The following GALK2 variants were observed in gnomAD, a reference collection of about 807,000 sequenced individuals.
GALK2 encodes the protein N-acetylgalactosamine kinase.
In GALK2, 36 loss-of-function variants were observed where a neutral mutation model predicts 52.4. The ratio of observed to expected loss-of-function variants is 0.69; its 90% CI spans 0.53 to 0.91. GALK2 has a LOEUF of 0.91. Among genes scored for constraint, GALK2 ranks in the 40% least tolerant of loss-of-function variants. GALK2 has a pLI of 0.00. For synonymous variants in GALK2, 176 were observed against 199.1 expected, an observed-to-expected ratio of 0.88 and a Z score of 0.98; for missense variants, 579 against 559.1, an observed-to-expected ratio of 1.04 and a Z score of -0.36.
chr15:49,210,973 TCA>T (rs3075099), intron 2 of GALK2, among the ~76,000 whole-genome samples: 7,799 of 146,528 alleles, frequency 0.053, 266 homozygotes, highest in African/African-American at 0.1. Context: ...ACACACACAC[TCA>T]CACACACACA....
chr15:49,311,325 C>A (rs2035972542), intron 8 of GALK2, among the ~76,000 whole-genome samples: 1 of 152,186 alleles, frequency 6.6e-6, no homozygotes, highest in South Asian at 2.1e-4. Context: ...GGCCAAGAAC[C>A]ACTTATCTGC....
At chr15:49,164,675 G>T (rs1458698553) in intron 1 of GALK2, among the ~76,000 whole-genome samples, 1 of 150,770 alleles carries the variant, frequency 6.6e-6, no homozygotes, top group African/African-American at 2.4e-5. Flanking sequence ...CAGATGCTCC[G>T]GAGGCTGAGG....
chr15:49,301,298 A>G (rs2035090938), intron 8 of GALK2, among the ~76,000 whole-genome samples: 1 of 152,194 alleles, frequency 6.6e-6, no homozygotes, highest in Non-Finnish European at 1.5e-5. Flanking sequence ...TTAAACACAC[A>G]CAAAGCAAAA....
chr15:49,355,248 T>C (rs1248823351), intron 3 of GALK2, among the ~76,000 whole-genome samples: 2 of 152,140 alleles, frequency 1.3e-5, no homozygotes, highest in African/African-American at 2.4e-5. Flanking sequence ...GAGAATGACT[T>C]TGAAGAGCTC....
At chr15:49,310,955 G>GTT (rs1292260522) in intron 8 of GALK2, among the ~76,000 whole-genome samples, 1 of 152,090 alleles carries the variant, frequency 6.6e-6, no homozygotes, top group African/African-American at 2.4e-5. Flanking sequence ...TTACGCATAA[G>GTT]TTCTTTGCCT....
intron 3 of GALK2, among the ~76,000 whole-genome samples, chr15:49,359,001 TTAATAAA>T (rs2043695173): frequency 6.6e-6 from 1 of 151,748 alleles, no homozygotes; most frequent in Admixed American, 6.6e-5. Context: ...GATTCCCTAT[TTAATAAA>T]TGGTGCTGGG....
chr15:49,341,848 GT>G, intron 3 of GALK2, among the ~76,000 whole-genome samples: 1 of 152,126 alleles, frequency 6.6e-6, no homozygotes, highest in Non-Finnish European at 1.5e-5. Context: ...CAATTGTGTG[GT>G]TTTGGGAAAT....
intron 2 of GALK2, among the ~76,000 whole-genome samples, chr15:49,207,552 T>C (rs2088403600): frequency 6.6e-6 from 1 of 152,126 alleles, no homozygotes; most frequent in Non-Finnish European, 1.5e-5. Context: ...CTGTTCAGGG[T>C]ATCTAATTCT....
intron 9 of GALK2, among the ~76,000 whole-genome samples, chr15:49,321,648 G>A (rs112106633): frequency 0.053 from 8,012 of 152,204 alleles, 481 homozygotes; most frequent in African/African-American, 0.15. Context: ...TAGAGATCCA[G>A]GAAGGCACTA....
At chr15:49,365,305 C>A in intron 3 of GALK2, 3 of 1,562,706 alleles carry the variant, frequency 1.9e-6, no homozygotes, top group Non-Finnish European at 2.6e-6. Flanking sequence ...CAGGTTGCCC[C>A]TTTTTCATCA....
chr15:49,339,263 T>G (rs1474261489), intron 3 of GALK2, among the ~76,000 whole-genome samples: 1 of 152,222 alleles, frequency 6.6e-6, no homozygotes, highest in South Asian at 2.1e-4. Context: ...CCCATCTTCA[T>G]GGATTTATGT....
intron 3 of GALK2, among the ~76,000 whole-genome samples, chr15:49,219,298 A>G (rs1006004399): frequency 6.6e-6 from 1 of 152,096 alleles, no homozygotes; most frequent in African/African-American, 2.4e-5. Context: ...ATGAGATCTG[A>G]TGGTTTTAAA....
At chr15:49,273,036 A>G (rs1180687599) in intron 5 of GALK2, among the ~76,000 whole-genome samples, 1 of 152,212 alleles carries the variant, frequency 6.6e-6, no homozygotes, top group Non-Finnish European at 1.5e-5. Flanking sequence ...AGCTTTCTCC[A>G]GGTTCATTAG....
In GALK2 at chr15:49,245,726, G is replaced by A. The variant is rs1023069263; in HGVS notation, c.504+6359G>A. ...GTTCTGCACAAAATTATTCAGCGAG[G>A]GCCTATTTTTTTAAAATAGGAAAAA... is the stretch of plus-strand genomic sequence containing the variant. On this transcript the variant is annotated intron_variant, in intron 5 of 9. Coordinates refer to ENST00000560031, the MANE Select transcript of GALK2 (RefSeq NM_002044.4). Among the ~76,000 whole-genome samples, 5 of 152,054 alleles carry A rather than the reference G, an allele frequency of 3.3e-5. No individual in the cohort carries two copies. The East Asian group carries it at 9.7e-4, about 29-fold the overall frequency.
chr15:49,307,095 T>C (rs2035605560), intron 8 of GALK2, among the ~76,000 whole-genome samples: 1 of 152,128 alleles, frequency 6.6e-6, no homozygotes, highest in Admixed American at 6.5e-5. Context: ...GTTATGTTTT[T>C]GGAGAGTTTT....
intron 3 of GALK2, among the ~76,000 whole-genome samples, chr15:49,234,812 G>C (rs1595775279): frequency 6.6e-6 from 1 of 151,996 alleles, no homozygotes; most frequent in South Asian, 2.1e-4. Context: ...TGTCGCCCAG[G>C]CTGGGGTGCA....
chr15:49,365,135 A>G, intron 3 of GALK2: 1 of 725,750 alleles, frequency 1.4e-6, no homozygotes, highest in Admixed American at 2.0e-5. Context: ...TTGCTGGACA[A>G]TCTGTTCACC....
Position 49,217,301 on chromosome 15 carries a change from A to C in GALK2, c.254A>C (p.Asn85Thr). 6.2e-7 allele frequency: 1 copy of C among 1,613,608 alleles called. No homozygotes were observed. Among genetic ancestry groups the C allele is most frequent in the Non-Finnish European group, 8.5e-7 (1 of 1,179,726 alleles). Residue 85 changes from asparagine to threonine, a missense_variant, in exon 3 of 10, where the codon AAT becomes ACT. Coordinates refer to ENST00000560031, the MANE Select transcript of GALK2 (RefSeq NM_002044.4). ...TACGCTCTCCAACTGGCCAATACAA[A>C]TCCCTTGTATCCGTGAGTATTTAAA... ...KTYALQLANT[N>T]PLYPDFSTSA...
chr15:49,196,803 T>C (rs2087273027), intron 1 of GALK2, among the ~76,000 whole-genome samples: 1 of 152,262 alleles, frequency 6.6e-6, no homozygotes, highest in African/African-American at 2.4e-5. Context: ...AACTGCCATG[T>C]CTTCATTTTG....
Sources: gnomAD v4.1 joint callset for allele counts (sites outside exome capture counted in the v4.1 genomes callset) on GRCh38, gnomAD v4.1.1 for gene constraint, MANE v1.5 for transcripts, NCBI Gene and HGNC (gene_info 2026-07-23, HGNC 2026-07-21) for gene names.